The following FSIP2 variants were observed in gnomAD, a reference collection of about 807,000 sequenced individuals.
FSIP2 encodes fibrous sheath interacting protein 2.
In FSIP2, 367 loss-of-function variants were observed where a neutral mutation model predicts 510.5. That is an observed-to-expected ratio of 0.72 (90% CI 0.66 to 0.78). The LOEUF (loss-of-function observed/expected upper bound fraction) is 0.78, where lower values mean the gene tolerates loss of function less well. FSIP2 is among the 30% of genes least tolerant of loss of function. FSIP2 has a pLI of 0.00. For synonymous variants in FSIP2, 2,601 were observed against 2,732.2 expected (o/e 0.95, Z 1.50); for missense variants, 7,594 against 7,901.7 (o/e 0.96, Z 1.48).
intron 13 of FSIP2, among the ~76,000 whole-genome samples, chr2:185,778,751 A>G (rs1488770687): frequency 2.0e-5 from 3 of 151,952 alleles, no homozygotes; most frequent in African/African-American, 4.8e-5. Flanking sequence ...TGTCCATTCA[A>G]TCAAGACGGT....
rs746152693 is a variant in FSIP2 at position 185,808,979 on chromosome 2, G to T, written c.19673G>T (p.Cys6558Phe). ...TQPLEKLKQECLKRTGHSIAE... is the reference protein window; with the variant it reads ...TQPLEKLKQEFLKRTGHSIAE... The stretch of plus-strand genomic sequence containing the variant: ...CCTCTTGAGAAACTTAAGCAGGAGT[G>T]TTTGAAAAGAACTGGACATAGCATA... Residue 6558 changes from cysteine (C) to phenylalanine (F), a missense_variant, in exon 17 of 23, where the codon TGT becomes TTT. Cys to Phe is a radical substitution (Grantham distance 205). Coordinates refer to ENST00000424728, the MANE Select transcript of FSIP2 (RefSeq NM_173651.4). The T allele has an allele frequency of 3.1e-6, 5 of 1,612,412 alleles. No homozygotes were observed. Among genetic ancestry groups the T allele is most frequent in the Non-Finnish European group, 4.2e-6 (5 of 1,179,378 alleles).
rs559975691 is a variant in FSIP2, at chr2:185,764,528, A to G, written c.1374A>G (p.Gly458=). ...AGGAGACAAATGCTGATTGGGATGG[A>G]AGACCAACCAAGAGATCAAGCTATC... The part of the protein sequence containing the change: ...EEKETNADWD[G]RPTKRSSYLC... Residue 458 remains glycine, a synonymous_variant, in exon 13 of 23, where the codon GGA becomes GGG. Transcript: ENST00000424728. 2.5e-5 allele frequency: 39 copies of G among 1,531,532 alleles called. No individual in the cohort carries two copies. The African/African-American group carries it at 4.8e-4, about 19-fold the overall frequency. The allele number at this position is 1,531,532 out of a possible 1,614,324, so 94.9% of individuals were successfully genotyped here. A position where few individuals can be genotyped will look rare whatever the true frequency, so the allele number is the denominator to read the frequency against.
intron 17 of FSIP2, among the ~76,000 whole-genome samples, chr2:185,812,641 T>C (rs973114994): frequency 1.6e-4 from 25 of 152,232 alleles, no homozygotes; most frequent in Non-Finnish European, 3.2e-4. Context: ...ACACTAGACA[T>C]ATGCATACTA....
At position 185,806,348 on chromosome 2, in the gene FSIP2, TTGA is replaced by T; in HGVS notation, c.17043_17045del (p.Glu5682del). 1 of 1,610,288 alleles carries T rather than the reference TTGA, an allele frequency of 6.2e-7. No homozygotes were observed. Among genetic ancestry groups the T allele is most frequent in the Non-Finnish European group, 8.5e-7 (1 of 1,178,136 alleles). On this transcript the variant is annotated inframe_deletion, in exon 17 of 23. Coordinates refer to ENST00000424728, the MANE Select transcript of FSIP2 (RefSeq NM_173651.4). Reference sequence around the variant, plus strand: ...GATTATGAACATGTTCAAAATGTCATTGAAAATATTTTTGAAGATGTTTTAGAA... The same window carrying T: ...GATTATGAACATGTTCAAAATGTCATAAATATTTTTGAAGATGTTTTAGAA...
At position 185,797,050 on chromosome 2, in the gene FSIP2, A is replaced by T. The variant is rs1159574407; in HGVS notation, c.9914A>T (p.Tyr3305Phe). The change falls in exon 16 of 23, where the codon TAT (tyrosine) becomes TTT (phenylalanine). Residue 3305 changes from tyrosine (Y) to phenylalanine (F), a missense_variant. Tyr to Phe is a conservative substitution (Grantham distance 22). Coordinates refer to ENST00000424728, the MANE Select transcript of FSIP2 (RefSeq NM_173651.4). ...GGTGAAAATCTAAGAGTGTTTCATT[A>T]TGAGAACCTAAAACCAGTTGTTGAA... ...GKGENLRVFH[Y>F]ENLKPVVEPN... 4.6e-6 allele frequency: 7 copies of T among 1,535,154 alleles called. No homozygotes were observed. The highest frequency in any genetic ancestry group is 1.7e-4 in the Middle Eastern group (1 of 6,004).
At chr2:185,766,940 T>C (rs1692498943) in intron 13 of FSIP2, among the ~76,000 whole-genome samples, 1 of 117,656 alleles carries the variant, frequency 8.5e-6, no homozygotes, top group Non-Finnish European at 1.8e-5. Context: ...AATGATAGAC[T>C]GGATTAAGAA....
rs1241279406 is a variant in FSIP2 at position 185,833,287 on chromosome 2, C to A, written c.*61C>A. On this transcript the variant is annotated 3_prime_UTR_variant, in exon 23 of 23. Coordinates refer to ENST00000424728, the MANE Select transcript of FSIP2 (RefSeq NM_173651.4). ...TTAGAAAATAAAATGGTTTTTAAAG[C>A]ATAGTATAGCGTCTTATAAGATGAT... 5.2e-6 allele frequency: 7 copies of A among 1,354,170 alleles called. No individual in the cohort carries two copies. The highest frequency in any genetic ancestry group is 7.2e-6 in the Non-Finnish European group (7 of 977,328). 83.9% of individuals were successfully genotyped at this position (1,354,170 alleles called of 1,614,324 possible). A position where few individuals can be genotyped will look rare whatever the true frequency, so the allele number is the denominator to read the frequency against.
Position 185,796,847 on chromosome 2 carries a change from T to C in FSIP2, c.9711T>C (p.Thr3237=). 6.5e-7 allele frequency: 1 copy of C among 1,535,156 alleles called. No homozygotes were observed. The highest frequency in any genetic ancestry group is 1.2e-5 in the South Asian group (1 of 84,040). The change falls in exon 16 of 23, where the codon ACT becomes ACC. Residue 3237 remains threonine (T), a synonymous_variant. Transcript: ENST00000424728. ...PDSETMPSCS[T]RNKVQDHRPR... The stretch of plus-strand genomic sequence containing the variant: ...CAGAAACTATGCCATCGTGTTCTAC[T>C]AGAAACAAAGTACAAGACCACAGAC...
chr2:185,779,807 G>A (rs370930275), intron 13 of FSIP2, among the ~76,000 whole-genome samples: 11 of 151,988 alleles, frequency 7.2e-5, no homozygotes, highest in Non-Finnish European at 1.6e-4. Context: ...GCATTCTTTA[G>A]AAAGGTCTTT....
At position 185,796,783 on chromosome 2, in the gene FSIP2, A is replaced by G. The variant is rs1371694697; in HGVS notation, c.9647A>G (p.Asp3216Gly). 9 of 1,535,142 alleles carry G rather than the reference A, an allele frequency of 5.9e-6. No individual in the cohort carries two copies. Among genetic ancestry groups the G allele is most frequent in the Middle Eastern group, 1.7e-4 (1 of 5,980 alleles). The change falls in exon 16 of 23, where the codon GAC (aspartate) becomes GGC (glycine). Residue 3216 changes from aspartate to glycine, a missense_variant. Coordinates refer to ENST00000424728, the MANE Select transcript of FSIP2 (RefSeq NM_173651.4). ...LPTSVRSSVE[D>G]TVKNSEPTKR... is the part of the protein sequence containing the mutation. ...ACCTCTGTCAGATCCTCTGTAGAAGACACAGTTAAAAACTCAGAGCCAACG... is the reference window on the plus strand; with the variant it reads ...ACCTCTGTCAGATCCTCTGTAGAAGGCACAGTTAAAAACTCAGAGCCAACG...
intron 13 of FSIP2, among the ~76,000 whole-genome samples, chr2:185,781,853 T>C (rs1338698860): frequency 2.6e-5 from 4 of 152,016 alleles, no homozygotes; most frequent in African/African-American, 9.6e-5. Flanking sequence ...CTTTTTTTTT[T>C]TTGAGACGGA....
chr2:185,745,705 G>A, intron 5 of FSIP2, 137 bp downstream of exon 5: 1 of 771,392 alleles, frequency 1.3e-6, no homozygotes, highest in Non-Finnish European at 1.9e-6. Context: ...GGAAGGAAGT[G>A]AAACCAAGAG....
rs1693480496 is a variant in FSIP2 at position 185,803,124 on chromosome 2, TG to T, written c.13819del (p.Asp4607MetfsTer20). 1.8e-5 allele frequency: 27 copies of T among 1,521,318 alleles called. No homozygotes were observed. The highest frequency in any genetic ancestry group is 2.0e-5 in the Non-Finnish European group (23 of 1,141,326). The allele number at this position is 1,521,318 out of a possible 1,614,324, so 94.2% of individuals were successfully genotyped here. A position where few individuals can be genotyped will look rare whatever the true frequency, so the allele number is the denominator to read the frequency against. On this transcript the variant is annotated frameshift_variant, in exon 17 of 23. Transcript: ENST00000424728. LOFTEE classifies it high-confidence loss of function. ...SLSSSDTYFDDERRQLFYTSV... is the reference protein window; with the variant it reads ...SLSSSDTYFDXERRQLFYTSV... ...TATCTTCATCAGACACATATTTTGA[TG>T]ATGAGAGAAGGCAGTTATTTTATAC...
chr2:185,804,999 C>A lies in FSIP2; in HGVS notation c.15693C>A (p.Ile5231=), dbSNP rs74615451. ...SKLAGFIMKE[I]MYHHLQPFLH... ...TAGCTGGTTTTATTATGAAAGAAAT[C>A]ATGTATCATCATTTACAGCCATTTT... Residue 5231 remains isoleucine (I), a synonymous_variant, in exon 17 of 23, where the codon ATC becomes ATA. Transcript: ENST00000424728. 1,755 of 1,574,980 alleles carry A rather than the reference C, an allele frequency of 1.1e-3. 22 individuals carry two copies. The African/African-American group carries it at 0.021, about 19-fold the overall frequency.
Position 185,794,743 on chromosome 2 carries a change from A to C in FSIP2, c.7607A>C (p.Asn2536Thr). The change falls in exon 16 of 23, where the codon AAC (asparagine) becomes ACC (threonine). Residue 2536 changes from asparagine to threonine, a missense_variant. Transcript: ENST00000424728. ...TQKNSFQSHI[N>T]SVANDIVESV... Reference sequence around the variant, plus strand: ...AAAAACAGTTTTCAATCACATATTAACAGTGTAGCAAATGACATAGTTGAA... The same window carrying C: ...AAAAACAGTTTTCAATCACATATTACCAGTGTAGCAAATGACATAGTTGAA... 4.6e-6 allele frequency: 7 copies of C among 1,534,154 alleles called. No individual in the cohort carries two copies. Among genetic ancestry groups the C allele is most frequent in the Non-Finnish European group, 5.2e-6 (6 of 1,145,518 alleles).
chr2:185,737,811 T>C (rs547538709), upstream of FSIP2, among the ~76,000 whole-genome samples: 1 of 152,010 alleles, frequency 6.6e-6, no homozygotes, highest in Admixed American at 6.5e-5. Flanking sequence ...AATTTAAGAG[T>C]CCTAAGCACA....
rs1410205082 is a variant in FSIP2 at position 185,794,559 on chromosome 2, T to A, written c.7423T>A (p.Ser2475Thr). The change falls in exon 16 of 23, where the codon TCA (serine) becomes ACA (threonine). Residue 2475 changes from serine to threonine, a missense_variant. Physicochemically the swap from Ser to Thr is moderately conservative, Grantham distance 58. Transcript: ENST00000424728. ...AGAAATATTTATGAGAAATGGAGAATCAAAAAACAAAGAAAAAGGTGAACT... is the reference window on the plus strand; with the variant it reads ...AGAAATATTTATGAGAAATGGAGAAACAAAAAACAAAGAAAAAGGTGAACT... ...LEEIFMRNGE[S>T]KNKEKGELLI... The A allele has an allele frequency of 6.5e-7, 1 of 1,530,738 alleles. No individual in the cohort carries two copies. The highest frequency in any genetic ancestry group is 2.5e-5 in the East Asian group (1 of 40,760). 94.8% of individuals were successfully genotyped at this position (1,530,738 alleles called of 1,614,324 possible).
chr2:185,769,693 G>A (rs899173435), intron 13 of FSIP2, among the ~76,000 whole-genome samples: 21 of 152,188 alleles, frequency 1.4e-4, no homozygotes, highest in African/African-American at 4.1e-4. Context: ...TGAAACCTTC[G>A]TCAGTTCCTA....
Position 185,794,796 on chromosome 2 carries a change from G to A in FSIP2, c.7660G>A (p.Val2554Ile), listed in dbSNP as rs1247606081. 2.0e-6 allele frequency: 3 copies of A among 1,533,594 alleles called. No individual in the cohort carries two copies. Among genetic ancestry groups the A allele is most frequent in the Non-Finnish European group, 2.6e-6 (3 of 1,145,260 alleles). 95.0% of individuals were successfully genotyped at this position (1,533,594 alleles called of 1,614,324 possible). ...TGTTTTGGGGAAAATGTACTTGGTA[G>A]TTGTGACATCATTATATGAAAATAA... ...ESVLGKMYLVVVTSLYENNKS... is the reference protein window; with the variant it reads ...ESVLGKMYLVIVTSLYENNKS... The change falls in exon 16 of 23, where the codon GTT becomes ATT. Residue 2554 changes from valine (V) to isoleucine (I), a missense_variant. By Grantham distance (29) the Val-to-Ile change is conservative. Coordinates refer to ENST00000424728, the MANE Select transcript of FSIP2 (RefSeq NM_173651.4).
Sources: allele counts gnomAD v4.1 joint callset (sites outside exome capture counted in the v4.1 genomes callset), GRCh38; gene constraint gnomAD v4.1.1; transcripts MANE v1.5; gene names NCBI Gene and HGNC (gene_info 2026-07-23, HGNC 2026-07-21).